Variants in RPTOR observed in about 807,000 individuals in gnomAD.
RPTOR encodes regulatory associated protein of MTOR complex 1.
In RPTOR, 21 loss-of-function variants were observed where a neutral mutation model predicts 169.9. The ratio of observed to expected loss-of-function variants is 0.12; its 90% CI spans 0.09 to 0.18. RPTOR has a LOEUF of 0.18. Among genes scored for constraint, RPTOR ranks in the 10% least tolerant of loss-of-function variants. The probability of loss-of-function intolerance (pLI) is 1.00; values close to 1 mark genes in which losing one functional copy is unlikely to be tolerated. For synonymous variants in RPTOR, 732 were observed against 753.2 expected, an observed-to-expected ratio of 0.97 and a Z score of 0.46; for missense variants, 1,133 against 1,855.9, an observed-to-expected ratio of 0.61 and a Z score of 7.16.
intron 13 of RPTOR, among the ~76,000 whole-genome samples, chr17:80,858,960 T>C (rs1466217043): frequency 6.6e-6 from 1 of 152,116 alleles, no homozygotes; most frequent in Admixed American, 6.5e-5. Context: ...GGCCTCGGTG[T>C]CAAGTGGATT....
chr17:80,719,287 G>A lies in RPTOR; in HGVS notation c.508-11273G>A, dbSNP rs537382558. Among the ~76,000 whole-genome samples the A allele has an allele frequency of 2.6e-3, 392 of 152,216 alleles. 2 individuals are homozygous for A. Among genetic ancestry groups the A allele is most frequent in the African/African-American group, 7.9e-3 (327 of 41,524 alleles). On this transcript the variant is annotated intron_variant, in intron 4 of 33. Coordinates refer to ENST00000306801, the MANE Select transcript of RPTOR (RefSeq NM_020761.3). ...AGCCGGGAAGGGTACCTGTCAGCCCGGGGGAACAGAGATGGAATTGATATC... is the reference window on the plus strand; with the variant it reads ...AGCCGGGAAGGGTACCTGTCAGCCCAGGGGAACAGAGATGGAATTGATATC...
chr17:80,673,056 A>C lies in RPTOR; in HGVS notation c.348+29246A>C, dbSNP rs139528478. On this transcript the variant is annotated intron_variant, in intron 3 of 33. Coordinates refer to ENST00000306801, the MANE Select transcript of RPTOR (RefSeq NM_020761.3). ...AGTCTCATGCCTCAGCCTCCCACGTAGCTGGGATTATAGGCGTGTGCCACC... is the reference window on the plus strand; with the variant it reads ...AGTCTCATGCCTCAGCCTCCCACGTCGCTGGGATTATAGGCGTGTGCCACC... Among the ~76,000 whole-genome samples, 414 of 152,096 alleles carry C rather than the reference A, an allele frequency of 2.7e-3. 8 individuals carry two copies. The East Asian group carries it at 0.057, about 21-fold the overall frequency.
intron 4 of RPTOR, among the ~76,000 whole-genome samples, chr17:80,713,556 C>T (rs981847554): frequency 5.3e-5 from 8 of 152,158 alleles, no homozygotes; most frequent in African/African-American, 1.7e-4. Flanking sequence ...AAACCTTGTG[C>T]TGTCCATAGT....
intron 1 of RPTOR, among the ~76,000 whole-genome samples, chr17:80,574,164 T>C (rs973674506): frequency 9.5e-5 from 14 of 147,624 alleles, no homozygotes; most frequent in South Asian, 8.6e-4. Flanking sequence ...TTTTCTTTTT[T>C]TTTTTTTTTT....
At chr17:80,752,428 T>C (rs150247014) in intron 5 of RPTOR, among the ~76,000 whole-genome samples, 266 of 152,360 alleles carry the variant, frequency 1.7e-3, no homozygotes, top group African/African-American at 6.0e-3. Context: ...AAGCATTCTG[T>C]TTGGTGGAAC....
intron 13 of RPTOR, among the ~76,000 whole-genome samples, chr17:80,871,542 C>T (rs1229028370): frequency 6.6e-6 from 1 of 152,184 alleles, no homozygotes; most frequent in Admixed American, 6.5e-5. Flanking sequence ...AGGCGTCCCC[C>T]GGGTGAAGCC....
chr17:80,643,840 C>A, intron 3 of RPTOR, 30 bp downstream of exon 3: 1 of 1,538,588 alleles, frequency 6.5e-7, no homozygotes, highest in Non-Finnish European at 9.0e-7. Context: ...TCTTCCCTTT[C>A]CTTCTTACAG....
intron 5 of RPTOR, among the ~76,000 whole-genome samples, chr17:80,731,157 C>T (rs1349966184): frequency 6.6e-6 from 1 of 152,184 alleles, no homozygotes; most frequent in African/African-American, 2.4e-5. Flanking sequence ...GGATTACAGG[C>T]TTGAGCACTG....
intron 5 of RPTOR, among the ~76,000 whole-genome samples, chr17:80,750,812 G>A (rs757823592): frequency 2.0e-5 from 3 of 152,104 alleles, no homozygotes; most frequent in Non-Finnish European, 2.9e-5. Context: ...ACTCCTTGGT[G>A]GTTCTTGGTG....
At chr17:80,928,629 A>C (rs1354984918) in intron 24 of RPTOR, among the ~76,000 whole-genome samples, 1 of 152,244 alleles carries the variant, frequency 6.6e-6, no homozygotes, top group Non-Finnish European at 1.5e-5. Flanking sequence ...ATGACTAGAA[A>C]GAGCCGTGTT....
chr17:80,688,210 C>T (rs2065963483), intron 3 of RPTOR, among the ~76,000 whole-genome samples: 1 of 152,206 alleles, frequency 6.6e-6, no homozygotes, highest in African/African-American at 2.4e-5. Flanking sequence ...GATGTATTAG[C>T]TCATTTAATC....
chr17:80,568,928 G>A lies in RPTOR; in HGVS notation c.162+23137G>A, dbSNP rs2064874234. On this transcript the variant is annotated intron_variant, in intron 1 of 33. Coordinates refer to ENST00000306801, the MANE Select transcript of RPTOR (RefSeq NM_020761.3). ...TCCTGGGCTGAAGTGACCTCCCATGGTGTCAGGATTACAGGTGTGAGCTGC... is the reference window on the plus strand; with the variant it reads ...TCCTGGGCTGAAGTGACCTCCCATGATGTCAGGATTACAGGTGTGAGCTGC... Among the ~76,000 whole-genome samples the A allele has an allele frequency of 2.0e-5, 3 of 152,152 alleles. No homozygotes were observed. In the South Asian group the frequency reaches 6.2e-4, roughly 31 times the overall value.
intron 1 of RPTOR, among the ~76,000 whole-genome samples, chr17:80,572,556 AAAAC>A (rs1431631923): frequency 1.1e-4 from 16 of 152,074 alleles, no homozygotes; most frequent in Admixed American, 1.3e-4. Flanking sequence ...CCATCTCTCA[AAAAC>A]AAACAAACAA....
chr17:80,822,323 G>A (rs2067388144), intron 8 of RPTOR, 22 bp downstream of exon 8: 2 of 1,610,962 alleles, frequency 1.2e-6, no homozygotes, highest in South Asian at 1.1e-5. Flanking sequence ...GCCGGGCCTT[G>A]GGGAGGGAGG....
intron 3 of RPTOR, among the ~76,000 whole-genome samples, chr17:80,661,496 G>A (rs775052398): frequency 6.6e-6 from 1 of 152,138 alleles, no homozygotes; most frequent in Admixed American, 6.5e-5. Context: ...TTGAGCCGTT[G>A]ATGGGGGTGA....
chr17:80,950,580 C>T (rs2069163061), intron 28 of RPTOR, among the ~76,000 whole-genome samples: 1 of 152,144 alleles, frequency 6.6e-6, no homozygotes, highest in African/African-American at 2.4e-5. Flanking sequence ...TCCGTGGGGG[C>T]CCTTTCCTGT....
rs189210734 is a variant in RPTOR, at chr17:80,959,607, T to C, written c.3478-471T>C. 1.2e-4 allele frequency among the ~76,000 whole-genome samples: 18 copies of C among 152,316 alleles called. No homozygotes were observed. The highest frequency in any genetic ancestry group is 9.1e-4 in the Admixed American group (14 of 15,304). On this transcript the variant is annotated intron_variant, in intron 29 of 33. Transcript: ENST00000306801. This position sits in a 1 kb window ranked among gnomAD's most constrained non-coding sequence, Gnocchi z 6.7. ...ACTTAGAGCCCCCGAGGGAGCCAGA[T>C]GACCCCTCCTGGACTCGTCCCATAG...
chr17:80,598,826 G>A (rs966616608), intron 1 of RPTOR, among the ~76,000 whole-genome samples: 1 of 152,196 alleles, frequency 6.6e-6, no homozygotes, highest in Non-Finnish European at 1.5e-5. Flanking sequence ...TACATTAACT[G>A]TTCAGACGCT....
At position 80,856,580 on chromosome 17, in the gene RPTOR, C is replaced by T. The variant is rs188632026; in HGVS notation, c.1398+1033C>T. Among the ~76,000 whole-genome samples the T allele has an allele frequency of 4.6e-5, 7 of 152,334 alleles. No homozygotes were observed. The East Asian group carries it at 1.2e-3, about 25-fold the overall frequency. ...AGCACTCACCACTGGGCCATTTTCA[C>T]TCCAGGTGCCTGAGGCCACAAATAG... On this transcript the variant is annotated intron_variant, in intron 12 of 33. Transcript: ENST00000306801.
Sources: gnomAD v4.1 joint callset for allele counts (sites outside exome capture counted in the v4.1 genomes callset) on GRCh38, gnomAD v4.1.1 for gene constraint, Gnocchi (gnomAD v3.1) non-coding constraint, MANE v1.5 for transcripts, NCBI Gene and HGNC (gene_info 2026-07-23, HGNC 2026-07-21) for gene names.